The following KANSL2 variants were observed in gnomAD, a reference collection of about 807,000 sequenced individuals.
KANSL2 encodes NSL complex protein NSL2.
A neutral mutation model predicts 55.6 loss-of-function variants in KANSL2; 34 were observed. The observed-to-expected ratio is 0.61, with a 90% confidence interval of 0.46 to 0.81. KANSL2 has a LOEUF of 0.81. Among genes scored for constraint, KANSL2 ranks in the 40% least tolerant of loss-of-function variants. The pLI is 0.00. For synonymous variants in KANSL2, 209 were observed against 214.3 expected (o/e 0.98, Z 0.22); for missense variants, 502 against 609.9 (o/e 0.82, Z 1.86).
chr12:48,675,961 T>A (rs1939813452), intron 4 of KANSL2, among the ~76,000 whole-genome samples: 1 of 152,214 alleles, frequency 6.6e-6, no homozygotes, highest in Admixed American at 6.5e-5. Context: ...GAAGATTCAA[T>A]AATGTGAAAT....
intron 3 of KANSL2, among the ~76,000 whole-genome samples, chr12:48,679,411 T>C (rs763499995): frequency 3.3e-5 from 5 of 152,150 alleles, no homozygotes; most frequent in Admixed American, 2.0e-4. Context: ...TGAAATTACC[T>C]AACAAAGCTG....
intron 8 of KANSL2, 41 bp from the exon 9 acceptor site, chr12:48,655,101 A>G: frequency 6.5e-7 from 1 of 1,547,166 alleles, no homozygotes; most frequent in Non-Finnish European, 8.7e-7. Context: ...ACCAAGGGAA[A>G]CAGTAATAAA....
At chr12:48,678,993 T>C (rs1440363195) in intron 4 of KANSL2, 43 bp downstream of exon 4, 1 of 1,376,568 alleles carries the variant, frequency 7.3e-7, no homozygotes, top group African/African-American at 1.4e-5. Context: ...ACATTCCACA[T>C]ACTAACTACA....
chr12:48,675,549 A>G (rs1939805824), intron 4 of KANSL2, among the ~76,000 whole-genome samples: 1 of 152,226 alleles, frequency 6.6e-6, no homozygotes, highest in South Asian at 2.1e-4. Flanking sequence ...CACTTTTTGA[A>G]TACTGAAAAT....
intron 5 of KANSL2, among the ~76,000 whole-genome samples, chr12:48,669,569 G>A (rs1939669139): frequency 6.6e-6 from 1 of 151,466 alleles, no homozygotes; most frequent in Admixed American, 6.6e-5. Flanking sequence ...CCAGGCTGGA[G>A]TGCAGTGGCG....
rs1319499395 is a variant in KANSL2, at chr12:48,654,049, T to C, written c.1474A>G (p.Ser492Gly). 6.3e-7 allele frequency: 1 copy of C among 1,585,898 alleles called. No individual in the cohort carries two copies. Among genetic ancestry groups the C allele is most frequent in the Non-Finnish European group, 8.5e-7 (1 of 1,170,806 alleles). ...TAAAATGGTTCCCCAAACTATCAACTAATAGAAGTGGGTTCTGGCTTCCCA... is the reference window on the plus strand; with the variant it reads ...TAAAATGGTTCCCCAAACTATCAACCAATAGAAGTGGGTTCTGGCTTCCCA... ...ANGKPEPTSI[S>G] The change falls in exon 10 of 10, where the codon AGT becomes GGT. Residue 492 changes from serine (S) to glycine (G), a missense_variant. Ser to Gly is a moderately conservative substitution (Grantham distance 56, BLOSUM62 0). Transcript: ENST00000420613.
In KANSL2 at chr12:48,681,838, G is replaced by A. The variant is rs768970162; in HGVS notation, c.-9-197C>T. 88 of 717,942 alleles carry A rather than the reference G, an allele frequency of 1.2e-4. No homozygotes were observed. In the Middle Eastern group the frequency reaches 1.4e-3, roughly 11 times the overall value. The allele number at this position is 717,942 out of a possible 1,614,324, so 44.5% of individuals were successfully genotyped here. ...CCCTTTAGCGTGTCCCTCCATGCCCGGCCCCACCCCGAACCACACCACGCT... is the reference window on the plus strand; with the variant it reads ...CCCTTTAGCGTGTCCCTCCATGCCCAGCCCCACCCCGAACCACACCACGCT... On this transcript the variant is annotated intron_variant, in intron 1 of 9. Transcript: ENST00000420613.
intron 8 of KANSL2, chr12:48,656,680 A>C (rs1319490261): frequency 1.9e-6 from 1 of 515,668 alleles, no homozygotes; most frequent in East Asian, 5.5e-5. Context: ...GGCAATTCGC[A>C]CTGGAATACT....
Position 48,682,218 on chromosome 12 carries a change from C to G in KANSL2, c.-41G>C. 1.5e-6 allele frequency: 1 copy of G among 645,728 alleles called. No homozygotes were observed. Among genetic ancestry groups the G allele is most frequent in the Non-Finnish European group, 2.8e-6 (1 of 357,180 alleles). The allele number at this position is 645,728 out of a possible 1,614,324, so 40.0% of individuals were successfully genotyped here. A position where few individuals can be genotyped will look rare whatever the true frequency, so the allele number is the denominator to read the frequency against. ...AGCTGCGCTGCGCCGCACTCTGCCG[C>G]GCCGCTCGCCCTTCTCTAGTGGCGC... On this transcript the variant is annotated 5_prime_UTR_variant, in exon 1 of 10. Coordinates refer to ENST00000420613, the MANE Select transcript of KANSL2 (RefSeq NM_017822.4).
chr12:48,654,247 C>T, intron 9 of KANSL2, 72 bp from the exon 10 acceptor site: 1 of 1,451,550 alleles, frequency 6.9e-7, no homozygotes, highest in Non-Finnish European at 9.5e-7. Flanking sequence ...TCTGACTTAT[C>T]AGTGGCCACT....
At chr12:48,669,679 G>A (rs1034872410) in intron 5 of KANSL2, among the ~76,000 whole-genome samples, 1 of 151,780 alleles carries the variant, frequency 6.6e-6, no homozygotes, top group African/African-American at 2.4e-5. Context: ...CACCACGCCC[G>A]GCTAATTTTT....
chr12:48,673,226 C>G (rs560937900), intron 4 of KANSL2, among the ~76,000 whole-genome samples: 2 of 152,124 alleles, frequency 1.3e-5, no homozygotes, highest in South Asian at 2.1e-4. Flanking sequence ...TGGCACGGAT[C>G]CATATCAACT....
intron 8 of KANSL2, among the ~76,000 whole-genome samples, chr12:48,658,926 T>A (rs1057080824): frequency 1.3e-5 from 2 of 152,198 alleles, no homozygotes; most frequent in East Asian, 3.9e-4. Context: ...ATATCCAGAA[T>A]GAACGGCTGT....
Position 48,669,104 on chromosome 12 carries a change from A to G in KANSL2, c.876+2T>C, listed in dbSNP as rs952504961. 2.8e-5 allele frequency: 43 copies of G among 1,534,154 alleles called. No homozygotes were observed. Among genetic ancestry groups the G allele is most frequent in the Non-Finnish European group, 3.2e-5 (37 of 1,140,730 alleles). On this transcript the variant is annotated splice_donor_variant, in intron 6 of 9. Coordinates refer to ENST00000420613, the MANE Select transcript of KANSL2 (RefSeq NM_017822.4). LOFTEE classifies it high-confidence loss of function. ...TACCTTAAAGGTATACACACAAATT[A>G]CCTGTTGGGCAGCACCATCTGTGGC...
chr12:48,664,718 T>C (rs1939559240), intron 7 of KANSL2, among the ~76,000 whole-genome samples: 1 of 150,986 alleles, frequency 6.6e-6, no homozygotes, highest in Non-Finnish European at 1.5e-5. Context: ...GTAGCAAGGA[T>C]TACAGGAACC....
intron 4 of KANSL2, among the ~76,000 whole-genome samples, chr12:48,675,242 A>G (rs1939798786): frequency 6.6e-6 from 1 of 151,720 alleles, no homozygotes; most frequent in Non-Finnish European, 1.5e-5. Flanking sequence ...CTAAAATACA[A>G]AAAAAAGAAA....
chr12:48,671,990 A>G (rs1939722148), intron 4 of KANSL2, 28 bp from the exon 5 acceptor site: 3 of 1,525,374 alleles, frequency 2.0e-6, no homozygotes, highest in Non-Finnish European at 2.6e-6. Context: ...TCAGCAAAGC[A>G]TAAGAAAACA....
At chr12:48,663,244 AG>A (rs1939521442) in intron 7 of KANSL2, among the ~76,000 whole-genome samples, 1 of 152,242 alleles carries the variant, frequency 6.6e-6, no homozygotes, top group African/African-American at 2.4e-5. Context: ...TTACCATATG[AG>A]GAAATATGAA....
chr12:48,657,237 C>T (rs1249773810), intron 8 of KANSL2, among the ~76,000 whole-genome samples: 1 of 151,960 alleles, frequency 6.6e-6, no homozygotes, highest in African/African-American at 2.4e-5. Context: ...CCAGCCTGGC[C>T]AACATGGTGA....
Sources: allele counts gnomAD v4.1 joint callset (sites outside exome capture counted in the v4.1 genomes callset), GRCh38; gene constraint gnomAD v4.1.1; transcripts MANE v1.5; gene names NCBI Gene and HGNC (gene_info 2026-07-23, HGNC 2026-07-21).